The following CCNJL variants were observed in gnomAD, a reference collection of about 807,000 sequenced individuals.
CCNJL encodes the protein cyclin J like.
CCNJL carries 33 observed loss-of-function variants against 33.4 expected under a neutral mutation model. The ratio of observed to expected loss-of-function variants is 0.99; its 90% CI spans 0.75 to 1.32. The LOEUF is 1.32. Among genes scored for constraint, CCNJL ranks in the 40% most tolerant of loss-of-function variants. The probability of loss-of-function intolerance (pLI) is 0.00; values close to 1 mark genes in which losing one functional copy is unlikely to be tolerated. For missense variants in CCNJL, 512 were observed against 499.7 expected, an observed-to-expected ratio of 1.02 and a Z score of -0.23; for synonymous variants, 227 against 220.9, an observed-to-expected ratio of 1.03 and a Z score of -0.24.
chr5:160,312,010 C>T (rs1386221470), intron 1 of CCNJL, 38 bp from the exon 2 acceptor site: 30 of 1,344,002 alleles, frequency 2.2e-5, no homozygotes, highest in Non-Finnish European at 3.1e-5. Context: ...CCAGAGCGTA[C>T]CCCGGGCTCC....
chr5:160,302,059 G>A (rs1371131765), intron 2 of CCNJL, among the ~76,000 whole-genome samples: 2 of 152,148 alleles, frequency 1.3e-5, no homozygotes, highest in African/African-American at 4.8e-5. Context: ...GTGGTTACAT[G>A]AGTATATACA....
At chr5:160,320,577 C>T (rs748912753) in intron 1 of CCNJL, among the ~76,000 whole-genome samples, 3 of 152,178 alleles carry the variant, frequency 2.0e-5, no homozygotes, top group Admixed American at 6.6e-5. Flanking sequence ...CAGTGTGGAG[C>T]GATGAGGACT....
chr5:160,321,218 A>G (rs1200577639), intron 1 of CCNJL, among the ~76,000 whole-genome samples: 1 of 151,952 alleles, frequency 6.6e-6, no homozygotes, highest in African/African-American at 2.4e-5. Flanking sequence ...TCTGCAGGGA[A>G]CAATGGGATA....
intron 2 of CCNJL, among the ~76,000 whole-genome samples, chr5:160,308,529 T>G (rs989552841): frequency 6.6e-6 from 1 of 152,204 alleles, no homozygotes; most frequent in Non-Finnish European, 1.5e-5. Flanking sequence ...AGGCCGAGGC[T>G]GACGGATAAC....
chr5:160,253,832 C>T, intron 5 of CCNJL, 34 bp from the exon 6 acceptor site: 1 of 1,465,290 alleles, frequency 6.8e-7, no homozygotes, highest in Non-Finnish European at 9.1e-7. Context: ...GAACTGGAGG[C>T]CAAAAGCCAC....
chr5:160,294,299 T>C (rs1762681547), intron 2 of CCNJL, among the ~76,000 whole-genome samples: 2 of 152,156 alleles, frequency 1.3e-5, no homozygotes, highest in Admixed American at 1.3e-4. Context: ...ATTTCAACAT[T>C]CTTGAGAGGG....
chr5:160,319,669 G>T, intron 1 of CCNJL, among the ~76,000 whole-genome samples: 1 of 152,296 alleles, frequency 6.6e-6, no homozygotes, highest in East Asian at 1.9e-4. Flanking sequence ...AGTGACTCAA[G>T]TCTGGAATCC....
At chr5:160,318,421 A>G (rs749136093) in intron 1 of CCNJL, among the ~76,000 whole-genome samples, 2 of 152,236 alleles carry the variant, frequency 1.3e-5, no homozygotes, top group Non-Finnish European at 2.9e-5. Flanking sequence ...TTTCCTAATA[A>G]GGTCACATTG....
At chr5:160,263,338 C>G (rs73817360) in intron 3 of CCNJL, among the ~76,000 whole-genome samples, 5,439 of 152,292 alleles carry the variant, frequency 0.036, 316 homozygotes, top group African/African-American at 0.12. Context: ...CAGTCCACAT[C>G]TGACTTTCTC....
chr5:160,284,652 C>T (rs1053153812), intron 2 of CCNJL, among the ~76,000 whole-genome samples: 1 of 152,250 alleles, frequency 6.6e-6, no homozygotes, highest in African/African-American at 2.4e-5. Context: ...TACTTCTCCT[C>T]TGGCCTGATC....
At chr5:160,261,964 A>G (rs1188411038) in intron 3 of CCNJL, among the ~76,000 whole-genome samples, 3 of 152,144 alleles carry the variant, frequency 2.0e-5, no homozygotes, top group South Asian at 4.1e-4. Context: ...CAGGAAACAG[A>G]TATTTTAGGC....
intron 4 of CCNJL, chr5:160,258,180 T>C (rs1761153106): frequency 6.4e-6 from 3 of 470,162 alleles, no homozygotes; most frequent in Admixed American, 6.4e-5. Context: ...CCCATTTTAG[T>C]TTGTGGTAGG....
At chr5:160,280,030 A>T (rs972181930) in intron 3 of CCNJL, among the ~76,000 whole-genome samples, 1 of 152,234 alleles carries the variant, frequency 6.6e-6, no homozygotes, top group Admixed American at 6.5e-5. Context: ...TGACCACACA[A>T]TGGGTCCTGC....
chr5:160,267,203 TCTATTTAC>T (rs1761632761), intron 3 of CCNJL, among the ~76,000 whole-genome samples: 1 of 152,126 alleles, frequency 6.6e-6, no homozygotes, highest in East Asian at 1.9e-4. Context: ...GGACCACACA[TCTATTTAC>T]TGCAGGGTTG....
At chr5:160,297,654 C>CAAAAAAAAAA (rs59634260) in intron 2 of CCNJL, among the ~76,000 whole-genome samples, 1 of 107,620 alleles carries the variant, frequency 9.3e-6, no homozygotes, top group Non-Finnish European at 2.0e-5. Context: ...TCTCTATTTA[C>CAAAAAAAAAA]AAAAAAAAAA....
chr5:160,319,322 C>A (rs1253457975), intron 1 of CCNJL, among the ~76,000 whole-genome samples: 1 of 152,164 alleles, frequency 6.6e-6, no homozygotes, highest in Non-Finnish European at 1.5e-5. Flanking sequence ...CCTTTGTGAG[C>A]AATCCTTGTG....
intron 2 of CCNJL, among the ~76,000 whole-genome samples, chr5:160,282,980 T>TATATATATATATAC (rs1762273204): frequency 1.4e-5 from 1 of 71,200 alleles, no homozygotes; most frequent in East Asian, 4.1e-4. Context: ...TATATATATA[T>TATATATATATATAC]ATATATATAT....
intron 3 of CCNJL, among the ~76,000 whole-genome samples, chr5:160,275,257 G>C (rs755811431): frequency 6.7e-6 from 1 of 150,006 alleles, no homozygotes; most frequent in Non-Finnish European, 1.5e-5. Context: ...GCTAATTTTT[G>C]GAATTTTTAG....
chr5:160,308,001 T>C (rs1186798710), intron 2 of CCNJL, among the ~76,000 whole-genome samples: 1 of 152,144 alleles, frequency 6.6e-6, no homozygotes, highest in Non-Finnish European at 1.5e-5. Flanking sequence ...AGTAGATACA[T>C]GATTTTTGGT....
Sources: gnomAD v4.1 joint callset for allele counts (sites outside exome capture counted in the v4.1 genomes callset) on GRCh38, gnomAD v4.1.1 for gene constraint, MANE v1.5 for transcripts, NCBI Gene and HGNC (gene_info 2026-07-23, HGNC 2026-07-21) for gene names.